The following MYO16 variants were observed in gnomAD, a reference collection of about 807,000 sequenced individuals.
MYO16 encodes the protein unconventional myosin-XVI.
MYO16 carries 94 observed loss-of-function variants against 205.3 expected under a neutral mutation model. The observed-to-expected ratio is 0.46, with a 90% CI of 0.39 to 0.54. The LOEUF (loss-of-function observed/expected upper bound fraction) is 0.54. Among genes scored for constraint, MYO16 ranks in the 20% least tolerant of loss-of-function variants. The probability of loss-of-function intolerance (pLI) is 0.00; values close to 1 mark genes in which losing one functional copy is unlikely to be tolerated. For missense variants in MYO16, 2,315 were observed against 2,387.5 expected (o/e 0.97, Z 0.63); for synonymous variants, 988 against 954.0 (o/e 1.04, Z -0.66).
In MYO16 at chr13:109,140,692, C is replaced by T. The variant is rs1318697115; in HGVS notation, c.4480C>T (p.Pro1494Ser). The T allele has an allele frequency of 4.7e-6, 7 of 1,483,082 alleles. No individual in the cohort carries two copies. Among genetic ancestry groups the T allele is most frequent in the Non-Finnish European group, 5.4e-6 (6 of 1,119,208 alleles). The allele number at this position is 1,483,082 out of a possible 1,614,324, so 91.9% of individuals were successfully genotyped here. The change falls in exon 32 of 35, where the codon CCA (proline) becomes TCA (serine). Residue 1494 changes from proline (P) to serine (S), a missense_variant. Physicochemically the swap from Pro to Ser is moderately conservative, Grantham distance 74. Coordinates refer to ENST00000457511, the MANE Select transcript of MYO16 (RefSeq NM_001198950.3). The surrounding 1 kb of genome is among the most constrained non-coding windows in gnomAD (Gnocchi z 8.0). ...RAPEDEAAGP[P>S]GDACDIPPPF... ...GCCGGAGGACGAGGCGGCGGGGCCC[C>T]CAGGGGACGCGTGCGACATCCCGCC...
intron 23 of MYO16, among the ~76,000 whole-genome samples, chr13:109,020,896 T>A (rs1352277329): frequency 6.6e-6 from 1 of 152,186 alleles, no homozygotes; most frequent in East Asian, 1.9e-4. Flanking sequence ...GCCTATTCCT[T>A]GCCTTCAAAT....
Position 108,665,987 on chromosome 13 carries a change from C to G in MYO16, c.130C>G (p.Arg44Gly), listed in dbSNP as rs1210280707. The G allele has an allele frequency of 6.2e-7, 1 of 1,614,134 alleles. No individual in the cohort carries two copies. Among genetic ancestry groups the G allele is most frequent in the South Asian group, 1.1e-5 (1 of 91,074 alleles). Reference sequence around the variant, plus strand: ...TGGCCAACGGCAGCGTCTAGTGAAGCGCATGCGCTGTGAGCAAATCAAAGC... The same window carrying G: ...TGGCCAACGGCAGCGTCTAGTGAAGGGCATGCGCTGTGAGCAAATCAAAGC... ...PLGQRQRLVK[R>G]MRCEQIKAYY... The change falls in exon 2 of 35, where the codon CGC becomes GGC. Residue 44 changes from arginine to glycine, a missense_variant. Physicochemically the swap from Arg to Gly is moderately radical, Grantham distance 125. Coordinates refer to ENST00000457511, the MANE Select transcript of MYO16 (RefSeq NM_001198950.3).
intron 12 of MYO16, 58 bp downstream of exon 12, chr13:108,866,300 C>A: frequency 1.9e-6 from 2 of 1,079,722 alleles, no homozygotes; most frequent in Non-Finnish European, 2.6e-6. Context: ...TCTAGTCATA[C>A]ATGTTTGTAT....
chr13:108,700,844 T>A (rs1025620497), intron 2 of MYO16, among the ~76,000 whole-genome samples: 1 of 152,156 alleles, frequency 6.6e-6, no homozygotes, highest in Non-Finnish European at 1.5e-5. Flanking sequence ...GCTATGCACA[T>A]GTTCAGAGCT....
At chr13:108,504,489 G>GT in the MYO16 span, among the ~76,000 whole-genome samples, 1 of 151,780 alleles carries the variant, frequency 6.6e-6, no homozygotes, top group African/African-American at 2.4e-5. Flanking sequence ...CAACAACTCT[G>GT]TATTTCCCTT....
intron 23 of MYO16, among the ~76,000 whole-genome samples, chr13:109,031,137 G>A (rs1207334621): frequency 1.3e-5 from 2 of 152,058 alleles, no homozygotes; most frequent in Non-Finnish European, 2.9e-5. Context: ...TGTTGCCCAG[G>A]CTGGAGTGCA....
chr13:108,696,001 G>T (rs1446281272), intron 2 of MYO16, among the ~76,000 whole-genome samples: 1 of 152,154 alleles, frequency 6.6e-6, no homozygotes, highest in Non-Finnish European at 1.5e-5. Flanking sequence ...ATATTTAACT[G>T]CATGTTAAAG....
At chr13:108,964,282 G>A (rs1295327230) in intron 19 of MYO16, among the ~76,000 whole-genome samples, 2 of 152,180 alleles carry the variant, frequency 1.3e-5, no homozygotes, top group Admixed American at 1.3e-4. Context: ...CTTTGAGAAT[G>A]ACATAGAAAT....
At chr13:108,962,625 A>T in intron 19 of MYO16, 130 bp downstream of exon 19, 2 of 695,040 alleles carry the variant, frequency 2.9e-6, no homozygotes, top group Admixed American at 6.2e-5. Context: ...AAGCATTCTG[A>T]GCCTGTTTGG....
intron 9 of MYO16, among the ~76,000 whole-genome samples, chr13:108,840,607 A>G (rs1384312877): frequency 6.6e-6 from 1 of 152,164 alleles, no homozygotes; most frequent in Non-Finnish European, 1.5e-5. Flanking sequence ...ATGCAATCAC[A>G]GTTCACTGCA....
intron 9 of MYO16, among the ~76,000 whole-genome samples, chr13:108,829,188 T>TA (rs1224399446): frequency 2.1e-4 from 32 of 152,314 alleles, no homozygotes; most frequent in African/African-American, 7.5e-4. Flanking sequence ...ATAATTGTAC[T>TA]GCAGGACATC....
chr13:108,590,015 G>GAT, the MYO16 span, among the ~76,000 whole-genome samples: 166 of 152,068 alleles, frequency 1.1e-3, 2 homozygotes, highest in African/African-American at 3.6e-3. Context: ...TGTGTGCAGT[G>GAT]ATATATATAG....
intron 1 of MYO16, among the ~76,000 whole-genome samples, chr13:108,633,998 G>A (rs1224809562): frequency 6.6e-6 from 1 of 152,040 alleles, no homozygotes; most frequent in African/African-American, 2.4e-5. Context: ...CTCGAGTGAC[G>A]AATACCTACC....
chr13:108,569,533 A>G, the MYO16 span, among the ~76,000 whole-genome samples: 33 of 152,236 alleles, frequency 2.2e-4, no homozygotes, highest in African/African-American at 7.9e-4. Flanking sequence ...ATTAGTTCTG[A>G]TAGATTTATG....
At chr13:108,656,871 G>C (rs1254212540) in intron 1 of MYO16, among the ~76,000 whole-genome samples, 1 of 152,082 alleles carries the variant, frequency 6.6e-6, no homozygotes, top group African/African-American at 2.4e-5. Flanking sequence ...CAGTACAAAA[G>C]TTAAAGAAAA....
chr13:109,119,948 A>G (rs1875906346), intron 28 of MYO16, among the ~76,000 whole-genome samples: 1 of 152,160 alleles, frequency 6.6e-6, no homozygotes, highest in Non-Finnish European at 1.5e-5. Context: ...CATCAGCTTT[A>G]TGTTTCGTTT....
intron 6 of MYO16, among the ~76,000 whole-genome samples, chr13:108,800,392 C>T (rs1208493986): frequency 6.6e-6 from 1 of 152,198 alleles, no homozygotes; most frequent in African/African-American, 2.4e-5. Context: ...GGACTCCTAA[C>T]ACACTAAGAG....
intron 29 of MYO16, among the ~76,000 whole-genome samples, chr13:109,123,100 C>G (rs989600965): frequency 6.6e-6 from 1 of 152,174 alleles, no homozygotes; most frequent in Admixed American, 6.5e-5. Flanking sequence ...TGGGCGGTAT[C>G]TTAGAAGCAG....
intron 23 of MYO16, among the ~76,000 whole-genome samples, chr13:109,026,729 C>G (rs530966514): frequency 2.6e-4 from 40 of 152,232 alleles, no homozygotes; most frequent in African/African-American, 8.9e-4. Flanking sequence ...TGGAACATCC[C>G]TTTTCTTTGT....
Sources: gnomAD v4.1 joint callset for allele counts (sites outside exome capture counted in the v4.1 genomes callset) on GRCh38, gnomAD v4.1.1 for gene constraint, Gnocchi (gnomAD v3.1) non-coding constraint, MANE v1.5 for transcripts, NCBI Gene and HGNC (gene_info 2026-07-23, HGNC 2026-07-21) for gene names.